Variants in PIK3CB observed in about 807,000 individuals in gnomAD.
PIK3CB encodes phosphatidylinositol-4,5-bisphosphate 3-kinase catalytic subunit beta.
Under a neutral mutation model 136.8 loss-of-function variants are expected in PIK3CB, and 39 were observed. The observed-to-expected ratio is 0.29, with a 90% CI of 0.22 to 0.37. PIK3CB has a LOEUF of 0.37. Among genes scored for constraint, PIK3CB ranks in the 10% least tolerant of loss-of-function variants. PIK3CB has a pLI of 1.00. For synonymous variants in PIK3CB, 428 were observed against 436.6 expected (o/e 0.98, Z 0.25); for missense variants, 868 against 1,275.4 (o/e 0.68, Z 4.87).
intron 8 of PIK3CB, among the ~76,000 whole-genome samples, chr3:138,719,534 C>T (rs995229543): frequency 8.6e-5 from 13 of 151,924 alleles, no homozygotes; most frequent in African/African-American, 2.2e-4. Context: ...ACCGGTCTAG[C>T]GTGGTATTTT....
At chr3:138,685,590 C>T (rs923826064) in intron 16 of PIK3CB, among the ~76,000 whole-genome samples, 24 of 151,902 alleles carry the variant, frequency 1.6e-4, no homozygotes, top group African/African-American at 5.6e-4. Context: ...TGCTATTCAA[C>T]CTTAATATCT....
chr3:138,785,265 C>T (rs2108799623), intron 2 of PIK3CB, among the ~76,000 whole-genome samples: 1 of 151,776 alleles, frequency 6.6e-6, no homozygotes, highest in African/African-American at 2.4e-5. Flanking sequence ...GGCAGCCGCC[C>T]CCTCCAGGAG....
chr3:138,793,246 T>C (rs1457478018), intron 2 of PIK3CB, among the ~76,000 whole-genome samples: 1 of 152,206 alleles, frequency 6.6e-6, no homozygotes, highest in Non-Finnish European at 1.5e-5. Context: ...TATCTTCTTC[T>C]GAGGAGGTGA....
At chr3:138,732,632 A>G (rs1295396489) in intron 8 of PIK3CB, among the ~76,000 whole-genome samples, 3 of 151,986 alleles carry the variant, frequency 2.0e-5, no homozygotes, top group Non-Finnish European at 4.4e-5. Flanking sequence ...CCATGTGTTA[A>G]CAACTTGTGG....
chr3:138,830,378 T>C (rs1017284550), intron 1 of PIK3CB, among the ~76,000 whole-genome samples: 1 of 151,896 alleles, frequency 6.6e-6, no homozygotes, highest in African/African-American at 2.4e-5. Flanking sequence ...GGTGAAACCC[T>C]GTCTCTACTA....
intron 2 of PIK3CB, among the ~76,000 whole-genome samples, chr3:138,771,510 C>T (rs527427732): frequency 1.3e-5 from 2 of 152,258 alleles, no homozygotes; most frequent in South Asian, 2.1e-4. Flanking sequence ...AAGCCACCCG[C>T]GCCCGGCCCT....
At chr3:138,814,907 G>A (rs986274780) in intron 1 of PIK3CB, among the ~76,000 whole-genome samples, 4 of 152,068 alleles carry the variant, frequency 2.6e-5, no homozygotes, top group African/African-American at 7.2e-5. Context: ...AGAGGCCAAG[G>A]CAGGCGGATC....
intron 19 of PIK3CB, among the ~76,000 whole-genome samples, chr3:138,676,387 G>A (rs557278468): frequency 6.6e-6 from 1 of 152,324 alleles, no homozygotes; most frequent in East Asian, 1.9e-4. Context: ...AAATGATGCA[G>A]CTGTGTGGGA....
chr3:138,679,392 T>A (rs2108470116), intron 19 of PIK3CB, among the ~76,000 whole-genome samples: 1 of 152,164 alleles, frequency 6.6e-6, no homozygotes, highest in Admixed American at 6.5e-5. Context: ...AACTCCCGGG[T>A]TCAAGCGATC....
intron 2 of PIK3CB, among the ~76,000 whole-genome samples, chr3:138,761,830 C>T (rs990814900): frequency 5.3e-5 from 8 of 151,916 alleles, no homozygotes; most frequent in African/African-American, 1.7e-4. Flanking sequence ...GTCCCAGCTA[C>T]TCGGGAGGCT....
chr3:138,822,463 C>G (rs1933599374), intron 1 of PIK3CB, among the ~76,000 whole-genome samples: 1 of 151,378 alleles, frequency 6.6e-6, no homozygotes, highest in South Asian at 2.1e-4. Context: ...AGGAGAACAG[C>G]TGGAACCTGG....
rs909504891 is a variant in PIK3CB, at chr3:138,710,182, TCAAA to T, written c.1399+2022_1399+2025del. Among the ~76,000 whole-genome samples, 83 of 151,682 alleles carry T rather than the reference TCAAA, an allele frequency of 5.5e-4. 1 individual carries two copies. The highest frequency in any genetic ancestry group is 1.9e-3 in the African/African-American group (79 of 41,346). ...CTGGGTGACAGGGTGAGGCCCTGAG[TCAAA>T]CAAACAAACAAACAAAAAGAAATAC... On this transcript the variant is annotated intron_variant, in intron 10 of 23. Coordinates refer to ENST00000674063, the MANE Select transcript of PIK3CB (RefSeq NM_006219.3).
intron 2 of PIK3CB, among the ~76,000 whole-genome samples, chr3:138,777,639 C>T (rs964319148): frequency 6.6e-6 from 1 of 152,152 alleles, no homozygotes; most frequent in Non-Finnish European, 1.5e-5. Flanking sequence ...GAATGTTTTA[C>T]ACCACTAAGT....
intron 21 of PIK3CB, among the ~76,000 whole-genome samples, chr3:138,662,773 G>A (rs2043324349): frequency 6.6e-6 from 1 of 152,044 alleles, no homozygotes; most frequent in South Asian, 2.1e-4. Flanking sequence ...TCCAGCACCT[G>A]TTGTTTCCTG....
At chr3:138,826,343 T>C (rs1424110256) in intron 1 of PIK3CB, 2 of 1,595,196 alleles carry the variant, frequency 1.3e-6, no homozygotes, top group East Asian at 4.5e-5. Context: ...TTATCCCTAA[T>C]ACCTGCCACC....
intron 1 of PIK3CB, among the ~76,000 whole-genome samples, chr3:138,802,638 C>G (rs1048256067): frequency 1.3e-5 from 2 of 152,118 alleles, no homozygotes; most frequent in African/African-American, 4.8e-5. Context: ...CTCTCAGGGT[C>G]CCCATACTGT....
Position 138,654,976 on chromosome 3 carries a change from A to G in PIK3CB, c.*413T>C. ...CCTTTCTTTTTAGCTTCATTTGGAC[A>G]GTAAGAACAGCCACCAACCCCCAGG... is the stretch of plus-strand genomic sequence containing the variant. On this transcript the variant is annotated 3_prime_UTR_variant, in exon 24 of 24. Transcript: ENST00000674063. The G allele has an allele frequency of 4.4e-6, 1 of 227,702 alleles. No homozygotes were observed. The highest frequency in any genetic ancestry group is 8.7e-6 in the Non-Finnish European group (1 of 114,806). The allele number at this position is 227,702 out of a possible 1,614,324, so 14.1% of individuals were successfully genotyped here.
At position 138,704,420 on chromosome 3, in the gene PIK3CB, C is replaced by T. The variant is rs1366137956; in HGVS notation, c.1581+23G>A. On this transcript the variant is annotated intron_variant, in intron 12 of 23. Transcript: ENST00000674063. ...TGTGCACAACTCCATAAGAAAGGGC[C>T]ATTTAAAACTCTTGATACTTACTGA... 10 of 1,518,386 alleles carry T rather than the reference C, an allele frequency of 6.6e-6. No homozygotes were observed. In the East Asian group the frequency reaches 1.1e-4, roughly 17 times the overall value. 94.1% of individuals were successfully genotyped at this position (1,518,386 alleles called of 1,614,324 possible). A position where few individuals can be genotyped will look rare whatever the true frequency, so the allele number is the denominator to read the frequency against.
At chr3:138,775,453 G>A (rs1214114862) in intron 2 of PIK3CB, among the ~76,000 whole-genome samples, 1 of 152,184 alleles carries the variant, frequency 6.6e-6, no homozygotes, top group Non-Finnish European at 1.5e-5. Flanking sequence ...AGGCATGTCT[G>A]TTCTCTGAAT....
Sources: gnomAD v4.1 joint callset for allele counts (sites outside exome capture counted in the v4.1 genomes callset) on GRCh38, gnomAD v4.1.1 for gene constraint, MANE v1.5 for transcripts, NCBI Gene and HGNC (gene_info 2026-07-23, HGNC 2026-07-21) for gene names.